Variants in MICALL2 observed in about 807,000 individuals in gnomAD.
MICALL2 encodes the protein MICAL like 2.
A neutral mutation model predicts 91.1 loss-of-function variants in MICALL2; 111 were observed. The ratio of observed to expected loss-of-function variants is 1.22; its 90% CI spans 1.04 to 1.43. MICALL2 has a LOEUF of 1.43. Ranked by LOEUF, MICALL2 falls within the 40% of genes most tolerant of loss-of-function variation. The pLI is 0.00. For missense variants in MICALL2, 1,556 were observed against 1,236.0 expected, an observed-to-expected ratio of 1.26 and a Z score of -3.88; for synonymous variants, 694 against 525.3, an observed-to-expected ratio of 1.32 and a Z score of -4.39.
chr7:1,455,923 G>C (rs1780997830), intron 1 of MICALL2, among the ~76,000 whole-genome samples: 1 of 151,994 alleles, frequency 6.6e-6, no homozygotes, highest in South Asian at 2.1e-4. Context: ...TCTGACCTCA[G>C]AGCTGCCCTG....
intron 7 of MICALL2, 29 bp downstream of exon 7, chr7:1,442,163 G>A: frequency 3.7e-6 from 6 of 1,608,248 alleles, no homozygotes; most frequent in Non-Finnish European, 5.1e-6. Context: ...GGGCCCCCGG[G>A]GCCTCCTGCC....
At chr7:1,442,780 T>C (rs12702752) in intron 6 of MICALL2, among the ~76,000 whole-genome samples, 150,613 of 152,290 alleles carry the variant, frequency 0.99, 74,477 homozygotes, top group East Asian at 1. Flanking sequence ...TATGCTGTGG[T>C]TGATTCTCCT....
At position 1,437,595 on chromosome 7, in the gene MICALL2, G is replaced by A. The variant is rs1008513360; in HGVS notation, c.2416C>T (p.Arg806Cys). The A allele has an allele frequency of 3.1e-5, 48 of 1,538,486 alleles. No homozygotes were observed. The highest frequency in any genetic ancestry group is 6.0e-5 in the South Asian group (5 of 83,924). The change falls in exon 14 of 17, where the codon CGT (arginine) becomes TGT (cysteine). Residue 806 changes from arginine to cysteine, a missense_variant. Physicochemically the swap from Arg to Cys is radical, Grantham distance 180. Coordinates refer to ENST00000297508, the MANE Select transcript of MICALL2 (RefSeq NM_182924.4). ...ATGTCCAGCTGCTGCTCCTCCAGACGCTGGGCCTTGGACCTGCCGCACAGA... is the reference window on the plus strand; with the variant it reads ...ATGTCCAGCTGCTGCTCCTCCAGACACTGGGCCTTGGACCTGCCGCACAGA... ...SELMYKSKAQ[R>C]LEEQQLDIEG...
At chr7:1,444,473 C>A (rs1780465643) in intron 6 of MICALL2, among the ~76,000 whole-genome samples, 179 bp downstream of exon 6, 1 of 152,248 alleles carries the variant, frequency 6.6e-6, no homozygotes, top group Non-Finnish European at 1.5e-5. Flanking sequence ...TGACCACAGG[C>A]ACTGCCACCC....
In MICALL2 at chr7:1,440,438, T is replaced by A. The variant is rs924632094; in HGVS notation, c.1805+153A>T. 8.4e-6 allele frequency: 6 copies of A among 712,476 alleles called. No homozygotes were observed. In the East Asian group the frequency reaches 1.6e-4, roughly 19 times the overall value. 44.1% of individuals were successfully genotyped at this position (712,476 alleles called of 1,614,324 possible). On this transcript the variant is annotated intron_variant, in intron 8 of 16. Coordinates refer to ENST00000297508, the MANE Select transcript of MICALL2 (RefSeq NM_182924.4). ...CCCAAACCAGGGACAGCGGCCCCCA[T>A]GTCCCTCAGGCAGGGGTGACCTGGC...
At chr7:1,439,041 C>T in intron 9 of MICALL2, 46 bp from the exon 10 acceptor site, 1 of 1,454,290 alleles carries the variant, frequency 6.9e-7, no homozygotes, top group Non-Finnish European at 9.4e-7. Context: ...AGCAGGGCCA[C>T]TGGGAGCCTG....
chr7:1,440,157 G>A (rs1780210338), intron 8 of MICALL2, 72 bp from the exon 9 acceptor site: 1 of 1,537,428 alleles, frequency 6.5e-7, no homozygotes, highest in Admixed American at 2.3e-5. Flanking sequence ...GGGGCTCCCA[G>A]GCCATATGCA....
At chr7:1,455,879 G>C (rs979829299) in intron 1 of MICALL2, among the ~76,000 whole-genome samples, 1 of 152,042 alleles carries the variant, frequency 6.6e-6, no homozygotes, top group Non-Finnish European at 1.5e-5. Context: ...AAGGAGAGGG[G>C]AATGAGGTGG....
chr7:1,446,080 G>A (rs373937346), intron 5 of MICALL2, among the ~76,000 whole-genome samples: 1 of 141,868 alleles, frequency 7.0e-6, no homozygotes, highest in Non-Finnish European at 1.5e-5. Flanking sequence ...CTTAGTGAGG[G>A]GCATCAGGTC....
chr7:1,442,013 A>G lies in MICALL2; in HGVS notation c.1711+179T>C, dbSNP rs972273063. On this transcript the variant is annotated intron_variant, in intron 7 of 16. Coordinates refer to ENST00000297508, the MANE Select transcript of MICALL2 (RefSeq NM_182924.4). ...CCCTGAGGACATTTGCAGCCACCAC[A>G]CAGAGAGCGCACCAGGACCCCAGGA... The G allele has an allele frequency of 1.4e-5, 10 of 733,708 alleles. No homozygotes were observed. In the East Asian group the frequency reaches 2.6e-4, roughly 19 times the overall value. The allele number at this position is 733,708 out of a possible 1,614,324, so 45.4% of individuals were successfully genotyped here.
chr7:1,436,492 G>A (rs1779969584), intron 15 of MICALL2, among the ~76,000 whole-genome samples: 1 of 147,358 alleles, frequency 6.8e-6, no homozygotes, highest in Non-Finnish European at 1.5e-5. Flanking sequence ...GGGACAGGTT[G>A]CAGTGAGCCA....
chr7:1,435,389 C>T (rs1464678420), intron 15 of MICALL2, among the ~76,000 whole-genome samples: 1 of 146,222 alleles, frequency 6.8e-6, no homozygotes, highest in African/African-American at 2.7e-5. Flanking sequence ...GGGCCGACCA[C>T]ACAGGTGACC....
chr7:1,438,176 C>T lies in MICALL2; in HGVS notation c.2232G>A (p.Leu744=), dbSNP rs546678954. The T allele has an allele frequency of 3.8e-6, 6 of 1,571,262 alleles. No homozygotes were observed. In the Admixed American group the frequency reaches 5.6e-5, roughly 15 times the overall value. ...CGTCCAGCCGCCTCTCGATGTCCTG[C>T]AGCTGCCTCTGTATCTCCTCCGGGG... ...YLSPEEIQRQ[L]QDIERRLDAL... is the part of the protein sequence containing the mutation. The change falls in exon 12 of 17, where the codon CTG becomes CTA. Residue 744 remains leucine, a synonymous_variant. Transcript: ENST00000297508.
At chr7:1,448,313 G>C (rs1385666002) in intron 3 of MICALL2, among the ~76,000 whole-genome samples, 1 of 152,272 alleles carries the variant, frequency 6.6e-6, no homozygotes. Flanking sequence ...CAGGGCGGCA[G>C]GAGCTGCTGG....
intron 2 of MICALL2, among the ~76,000 whole-genome samples, chr7:1,449,895 C>T (rs1780758177): frequency 6.6e-6 from 1 of 152,244 alleles, no homozygotes; most frequent in African/African-American, 2.4e-5. Flanking sequence ...GACCCATCCA[C>T]AGCCCCCCAC....
Position 1,459,456 on chromosome 7 carries a change from C to A in MICALL2, c.-130G>T, listed in dbSNP as rs927635497. ...CCGCCAGACCCACGGCGCCCAGCCC[C>A]AGCTGAGCCGGACTGAGGGCGACGA... is the stretch of plus-strand genomic sequence containing the variant. On this transcript the variant is annotated 5_prime_UTR_variant, in exon 1 of 17. Transcript: ENST00000297508. 1.1e-5 allele frequency: 10 copies of A among 887,490 alleles called. No homozygotes were observed. In the East Asian group the frequency reaches 3.1e-4, roughly 28 times the overall value. 55.0% of individuals were successfully genotyped at this position (887,490 alleles called of 1,614,324 possible).
intron 6 of MICALL2, among the ~76,000 whole-genome samples, 178 bp from the exon 7 acceptor site, chr7:1,442,662 C>T (rs1361221013): frequency 6.0e-5 from 9 of 149,020 alleles, no homozygotes; most frequent in Admixed American, 2.0e-4. Flanking sequence ...GCCACCCCTC[C>T]GCCTCCCCCA....
chr7:1,436,594 A>C (rs1584193634), intron 15 of MICALL2, 148 bp downstream of exon 15: 3 of 399,788 alleles, frequency 7.5e-6, no homozygotes, highest in East Asian at 3.9e-5. Flanking sequence ...CCCGATGGCC[A>C]CATGTGGCCC....
intron 1 of MICALL2, among the ~76,000 whole-genome samples, chr7:1,454,068 G>C (rs966846235): frequency 6.6e-6 from 1 of 152,056 alleles, no homozygotes; most frequent in African/African-American, 2.4e-5. Context: ...CTCTGCCCCG[G>C]CGCCTCTGGG....
Sources: gnomAD v4.1 joint callset for allele counts (sites outside exome capture counted in the v4.1 genomes callset) on GRCh38, gnomAD v4.1.1 for gene constraint, MANE v1.5 for transcripts, NCBI Gene and HGNC (gene_info 2026-07-23, HGNC 2026-07-21) for gene names.